The following AK7 variants were observed in gnomAD, a reference collection of about 807,000 sequenced individuals.
AK7 encodes ATP-AMP transphosphorylase 7.
In AK7, 78 loss-of-function variants were observed where a neutral mutation model predicts 96.6. That is an observed-to-expected ratio of 0.81 (90% CI 0.67 to 0.97). The LOEUF (loss-of-function observed/expected upper bound fraction) is 0.97, where lower values mean the gene tolerates loss of function less well. AK7 is among the 50% of genes least tolerant of loss of function. The probability of loss-of-function intolerance (pLI) is 0.00; values close to 1 mark genes in which losing one functional copy is unlikely to be tolerated. For missense variants in AK7, 855 were observed against 887.9 expected (o/e 0.96, Z 0.47); for synonymous variants, 302 against 317.2 (o/e 0.95, Z 0.51).
chr14:96,478,210 A>C, intron 14 of AK7, among the ~76,000 whole-genome samples: 1 of 144,262 alleles, frequency 6.9e-6, no homozygotes. Context: ...GGAGGAAGGA[A>C]GGAAGAGAGG....
intron 4 of AK7, among the ~76,000 whole-genome samples, chr14:96,418,019 C>T (rs960101500): frequency 1.3e-5 from 2 of 151,850 alleles, no homozygotes; most frequent in Non-Finnish European, 2.9e-5. Flanking sequence ...CTTTGCAGTC[C>T]TGCTTTAAAA....
intron 12 of AK7, among the ~76,000 whole-genome samples, chr14:96,468,359 G>C (rs190827589): frequency 3.5e-5 from 5 of 141,712 alleles, no homozygotes; most frequent in African/African-American, 1.1e-4. Context: ...TGGAGTGCGC[G>C]ATCTCGGCTC....
intron 14 of AK7, among the ~76,000 whole-genome samples, chr14:96,476,645 T>A (rs563570035): frequency 4.7e-4 from 71 of 152,290 alleles, no homozygotes; most frequent in African/African-American, 1.7e-3. Flanking sequence ...GGACAATAGA[T>A]GTTCTGAATA....
chr14:96,423,184 C>T (rs1891811589), intron 5 of AK7, among the ~76,000 whole-genome samples: 1 of 152,194 alleles, frequency 6.6e-6, no homozygotes, highest in African/African-American at 2.4e-5. Context: ...GATACTGACG[C>T]CTATTAAGGC....
intron 11 of AK7, chr14:96,456,771 G>C: frequency 3.9e-6 from 1 of 258,764 alleles, no homozygotes; most frequent in Non-Finnish European, 7.6e-6. Flanking sequence ...GTGTGTGTTT[G>C]TGTCGTCTTC....
At chr14:96,482,768 T>G (rs1895568309) in intron 15 of AK7, among the ~76,000 whole-genome samples, 1 of 152,186 alleles carries the variant, frequency 6.6e-6, no homozygotes, top group Non-Finnish European at 1.5e-5. Context: ...CAAGTCATTG[T>G]TAGAACTCAT....
Position 96,408,879 on chromosome 14 carries a change from CG to C in AK7, c.437del (p.Arg146GlnfsTer10). The C allele has an allele frequency of 6.2e-7, 1 of 1,614,196 alleles. No homozygotes were observed. Among genetic ancestry groups the C allele is most frequent in the Non-Finnish European group, 8.5e-7 (1 of 1,180,040 alleles). ...TGAAGAAGTCAGCCACTTTGAAAAG[CG>C]AAAGCTATTTATTTTACTGTCGACG... ...LSEEVSHFEK[R>X]KLFILLSTVM... On this transcript the variant is annotated frameshift_variant, in exon 4 of 18. Transcript: ENST00000267584. LOFTEE classifies it high-confidence loss of function.
At chr14:96,451,967 C>T (rs7145036) in intron 10 of AK7, among the ~76,000 whole-genome samples, 23,478 of 152,088 alleles carry the variant, frequency 0.15, 2,485 homozygotes, top group East Asian at 0.49. Flanking sequence ...ATATCAACTG[C>T]CTTACTGGCT....
chr14:96,452,662 C>A (rs1322659216), intron 10 of AK7, among the ~76,000 whole-genome samples: 1 of 150,658 alleles, frequency 6.6e-6, no homozygotes, highest in East Asian at 1.9e-4. Flanking sequence ...TCTTTCTTTT[C>A]TTTTCTTTTT....
rs750684821 is a variant in AK7, at chr14:96,408,922, G to A, written c.479G>A (p.Arg160His). ...CTGTCGACGGTGATGACTTGGGCGC[G>A]CTCCAAAGCCCTGGACCCCGTAAGT... Reference protein sequence around the residue: ...ILLSTVMTWARSKALDPEDSE... With the variant: ...ILLSTVMTWAHSKALDPEDSE... The change falls in exon 4 of 18, where the codon CGC becomes CAC. Residue 160 changes from arginine (R) to histidine (H), a missense_variant. Arg to His is a conservative substitution (Grantham distance 29). Transcript: ENST00000267584. 1.9e-6 allele frequency: 3 copies of A among 1,614,054 alleles called. No homozygotes were observed. The highest frequency in any genetic ancestry group is 1.7e-5 in the Admixed American group (1 of 60,004).
At chr14:96,434,501 C>T (rs1237511578) in intron 5 of AK7, among the ~76,000 whole-genome samples, 3 of 151,962 alleles carry the variant, frequency 2.0e-5, no homozygotes, top group African/African-American at 4.8e-5. Flanking sequence ...CACAAGCAAC[C>T]CTGTAGCCAC....
At chr14:96,438,714 A>G (rs1892788503) in intron 6 of AK7, among the ~76,000 whole-genome samples, 1 of 152,190 alleles carries the variant, frequency 6.6e-6, no homozygotes, top group Non-Finnish European at 1.5e-5. Flanking sequence ...CACAGAAGCA[A>G]CATAATCCAT....
intron 14 of AK7, among the ~76,000 whole-genome samples, chr14:96,478,004 T>C (rs1895279631): frequency 6.6e-6 from 1 of 152,186 alleles, no homozygotes; most frequent in Non-Finnish European, 1.5e-5. Context: ...TAAGACCTTG[T>C]ATCTCTCTAA....
intron 4 of AK7, 128 bp downstream of exon 4, chr14:96,409,069 A>C: frequency 1.1e-6 from 1 of 890,686 alleles, no homozygotes; most frequent in South Asian, 1.7e-5. Context: ...CATAATAAGC[A>C]CCCAGCAGAG....
chr14:96,430,840 A>C (rs1175293453), intron 5 of AK7, among the ~76,000 whole-genome samples: 2 of 152,120 alleles, frequency 1.3e-5, no homozygotes. Flanking sequence ...TTCGTTTCAG[A>C]AGGCATGGTA....
At chr14:96,435,787 T>G (rs1892604738) in intron 5 of AK7, among the ~76,000 whole-genome samples, 1 of 152,168 alleles carries the variant, frequency 6.6e-6, no homozygotes, top group African/African-American at 2.4e-5. Context: ...TGGCATCAGC[T>G]GAATTTGGTC....
intron 12 of AK7, among the ~76,000 whole-genome samples, chr14:96,465,750 G>A (rs1422851135): frequency 5.3e-5 from 8 of 152,082 alleles, no homozygotes; most frequent in East Asian, 1.9e-4. Context: ...AGTGGCTCAC[G>A]CCTATAATCC....
At chr14:96,418,622 G>A (rs1031742343) in intron 4 of AK7, among the ~76,000 whole-genome samples, 6 of 152,040 alleles carry the variant, frequency 3.9e-5, no homozygotes, top group Non-Finnish European at 8.8e-5. Flanking sequence ...AGGTTCAAGC[G>A]ATTCTCCTGC....
At position 96,478,581 on chromosome 14, in the gene AK7, A is replaced by G. The variant is rs1166219096; in HGVS notation, c.1672A>G (p.Ser558Gly). 6.2e-7 allele frequency: 1 copy of G among 1,614,190 alleles called. No individual in the cohort carries two copies. Among genetic ancestry groups the G allele is most frequent in the Admixed American group, 1.7e-5 (1 of 60,026 alleles). Residue 558 changes from serine to glycine, a missense_variant, in exon 15 of 18, where the codon AGC becomes GGC. Ser to Gly is a moderately conservative substitution (Grantham distance 56). Transcript: ENST00000267584. Reference sequence around the variant, plus strand: ...CCAAGACCGATTCCTCCGGGCTCTGAGCAACTACCGGGACATCAATATCGA... The same window carrying G: ...CCAAGACCGATTCCTCCGGGCTCTGGGCAACTACCGGGACATCAATATCGA... ...YSQDRFLRAL[S>G]NYRDINIDDE...
Sources: allele counts gnomAD v4.1 joint callset (sites outside exome capture counted in the v4.1 genomes callset), GRCh38; gene constraint gnomAD v4.1.1; transcripts MANE v1.5; gene names NCBI Gene and HGNC (gene_info 2026-07-23, HGNC 2026-07-21).